The following EPSTI1 variants were observed in gnomAD, a reference collection of about 807,000 sequenced individuals.
The protein encoded by EPSTI1 is epithelial stromal interaction 1.
Under a neutral mutation model 49.9 loss-of-function variants are expected in EPSTI1, and 66 were observed. The ratio of observed to expected loss-of-function variants is 1.32; its 90% CI spans 1.08 to 1.62. The LOEUF is 1.62. Among genes scored for constraint, EPSTI1 ranks in the 40% most tolerant of loss-of-function variants. The pLI is 0.00. For synonymous variants in EPSTI1, 137 were observed against 130.7 expected (o/e 1.05, Z -0.33); for missense variants, 394 against 365.5 (o/e 1.08, Z -0.64).
At chr13:42,915,661 A>G (rs1442849053) in intron 8 of EPSTI1, among the ~76,000 whole-genome samples, 1 of 152,214 alleles carries the variant, frequency 6.6e-6, no homozygotes, top group Non-Finnish European at 1.5e-5. Context: ...TGAAATCCCT[A>G]AGGATGGAAT....
At chr13:42,952,416 C>A (rs1208223791) in intron 6 of EPSTI1, among the ~76,000 whole-genome samples, 1 of 152,176 alleles carries the variant, frequency 6.6e-6, no homozygotes. Flanking sequence ...AGCCACCAGC[C>A]CAGCCCCTAA....
chr13:42,948,059 C>T (rs1357469079), intron 6 of EPSTI1, among the ~76,000 whole-genome samples: 1 of 152,254 alleles, frequency 6.6e-6, no homozygotes, highest in Non-Finnish European at 1.5e-5. Context: ...CACCCCACAG[C>T]GCTCTCCACG....
intron 6 of EPSTI1, among the ~76,000 whole-genome samples, chr13:42,947,662 C>G (rs1409448131): frequency 6.6e-6 from 1 of 152,196 alleles, no homozygotes; most frequent in Non-Finnish European, 1.5e-5. Context: ...CTAGATGTAG[C>G]AAGTGCTCTT....
chr13:42,917,108 A>G (rs9533303), intron 8 of EPSTI1, among the ~76,000 whole-genome samples: 19,101 of 152,236 alleles, frequency 0.13, 1,734 homozygotes, highest in East Asian at 0.38. Context: ...CTGTATGTGT[A>G]TAACTATTTT....
intron 1 of EPSTI1, among the ~76,000 whole-genome samples, chr13:42,972,232 C>A (rs993782270): frequency 1.3e-5 from 2 of 152,182 alleles, no homozygotes; most frequent in Non-Finnish European, 2.9e-5. Flanking sequence ...TGACTATACT[C>A]CAGATCAGTA....
chr13:42,941,601 C>T lies in EPSTI1; in HGVS notation c.563+12347G>A, dbSNP rs117832373. Among the ~76,000 whole-genome samples, 143 of 138,346 alleles carry T rather than the reference C, an allele frequency of 1.0e-3. 2 individuals are homozygous for T. The East Asian group carries it at 0.018, about 17-fold the overall frequency. The allele number at this position is 138,346 out of a possible 152,430, so 90.8% of individuals were successfully genotyped here. On this transcript the variant is annotated intron_variant, in intron 6 of 10. Transcript: ENST00000313624. ...TGCCACTGTACTCTAGCCTGGGTGA[C>T]AGAGCAAGACACTGGAAAAAAAAAA...
intron 6 of EPSTI1, among the ~76,000 whole-genome samples, chr13:42,929,247 C>T (rs2038284413): frequency 6.6e-6 from 1 of 152,234 alleles, no homozygotes; most frequent in Admixed American, 6.5e-5. Context: ...ATCTACTTCA[C>T]ACAAGGTCAT....
At chr13:42,901,901 T>C (rs1472841170) in intron 8 of EPSTI1, among the ~76,000 whole-genome samples, 1 of 151,946 alleles carries the variant, frequency 6.6e-6, no homozygotes, top group Admixed American at 6.6e-5. Context: ...TATCTCCCAA[T>C]GCTATCCCTC....
intron 7 of EPSTI1, among the ~76,000 whole-genome samples, chr13:42,925,945 G>A (rs923503605): frequency 6.0e-5 from 8 of 133,950 alleles, no homozygotes; most frequent in African/African-American, 1.9e-4. Context: ...GGTTCATTGG[G>A]CAGAAACTGT....
chr13:42,926,332 T>C lies in EPSTI1; in HGVS notation c.657+4A>G. On this transcript the variant is annotated splice_donor_region_variant and intron_variant, in intron 7 of 10. Coordinates refer to ENST00000313624, the MANE Select transcript of EPSTI1 (RefSeq NM_033255.5). ...GGCAGCACCCTGCAAAGTAATTCAC[T>C]TACCCATGTTGAGGATTGTGGGCCA... is the stretch of plus-strand genomic sequence containing the variant. The C allele has an allele frequency of 2.5e-6, 4 of 1,570,724 alleles. No homozygotes were observed. The South Asian group carries it at 3.3e-5, about 13-fold the overall frequency.
intron 10 of EPSTI1, chr13:42,889,117 G>C (rs1356315982): frequency 1.5e-5 from 15 of 998,390 alleles, no homozygotes; most frequent in Admixed American, 2.5e-5. Context: ...TGCCCCTGAA[G>C]ACATAGGATT....
intron 6 of EPSTI1, among the ~76,000 whole-genome samples, chr13:42,938,870 G>C (rs2038652734): frequency 1.6e-5 from 2 of 123,884 alleles, no homozygotes; most frequent in African/African-American, 6.3e-5. Context: ...AGCTGAGATT[G>C]CGCCACTGCA....
At chr13:42,935,805 T>G (rs1405684307) in intron 6 of EPSTI1, among the ~76,000 whole-genome samples, 1 of 151,942 alleles carries the variant, frequency 6.6e-6, no homozygotes. Flanking sequence ...GTTGCCCAGG[T>G]TGGTCTCAGA....
chr13:42,959,341 A>G (rs567295938), intron 5 of EPSTI1, among the ~76,000 whole-genome samples: 2 of 152,374 alleles, frequency 1.3e-5, no homozygotes, highest in South Asian at 2.1e-4. Flanking sequence ...AAAGAAATGC[A>G]TGATGTAGGA....
chr13:42,923,012 A>G (rs1193463719), intron 7 of EPSTI1, among the ~76,000 whole-genome samples: 1 of 151,768 alleles, frequency 6.6e-6, no homozygotes, highest in Non-Finnish European at 1.5e-5. Flanking sequence ...GCTTCCCCTC[A>G]CCCCTTTGCA....
chr13:42,989,220 G>C (rs2040142565), intron 1 of EPSTI1, among the ~76,000 whole-genome samples: 1 of 151,740 alleles, frequency 6.6e-6, no homozygotes, highest in Non-Finnish European at 1.5e-5. Context: ...TCGACTTAAG[G>C]GTGACAGCAT....
intron 10 of EPSTI1, among the ~76,000 whole-genome samples, chr13:42,894,032 C>G (rs1162002722): frequency 6.6e-6 from 1 of 152,142 alleles, no homozygotes; most frequent in Admixed American, 6.5e-5. Flanking sequence ...CACATCCAGG[C>G]AGTGTTCTCT....
intron 1 of EPSTI1, among the ~76,000 whole-genome samples, chr13:42,978,267 A>G (rs1017355547): frequency 2.0e-5 from 3 of 152,198 alleles, no homozygotes; most frequent in Admixed American, 1.3e-4. Context: ...GGTTTTAGAC[A>G]TTTTAGGAAG....
rs983385345 is a variant in EPSTI1 at position 42,886,573 on chromosome 13, C to T, written c.*1921G>A. On this transcript the variant is annotated 3_prime_UTR_variant, in exon 11 of 11. Coordinates refer to ENST00000313624, the MANE Select transcript of EPSTI1 (RefSeq NM_033255.5). ...TGGTGGAACTTTGGGATTTCCTGTC[C>T]AGTCACCTGCGAGTCAGGTTTTATT... 4.6e-5 allele frequency: 7 copies of T among 151,930 alleles called. No individual in the cohort carries two copies. The East Asian group carries it at 9.7e-4, about 21-fold the overall frequency. The allele number at this position is 151,930 out of a possible 1,614,324, so 9.4% of individuals were successfully genotyped here. A position where few individuals can be genotyped will look rare whatever the true frequency, so the allele number is the denominator to read the frequency against.
Sources: gnomAD v4.1 joint callset for allele counts (sites outside exome capture counted in the v4.1 genomes callset) on GRCh38, gnomAD v4.1.1 for gene constraint, MANE v1.5 for transcripts, NCBI Gene and HGNC (gene_info 2026-07-23, HGNC 2026-07-21) for gene names.